GLIS1: variants seen among roughly 807,000 people sequenced by gnomAD.
The protein encoded by GLIS1 is zinc finger protein GLIS1.
Under a neutral mutation model 63.8 loss-of-function variants are expected in GLIS1, and 24 were observed. The ratio of observed to expected loss-of-function variants is 0.38; its 90% CI spans 0.27 to 0.53. The LOEUF (loss-of-function observed/expected upper bound fraction) is 0.53, where lower values mean the gene tolerates loss of function less well. GLIS1 is among the 20% of genes least tolerant of loss of function. GLIS1 has a pLI of 0.85. For synonymous variants in GLIS1, 450 were observed against 482.5 expected, an observed-to-expected ratio of 0.93 and a Z score of 0.88; for missense variants, 1,036 against 1,074.1, an observed-to-expected ratio of 0.96 and a Z score of 0.50.
At position 53,595,986 on chromosome 1, in the gene GLIS1, G is replaced by T. The variant is rs150231952; in HGVS notation, c.438-996C>A. Among the ~76,000 whole-genome samples, 35 of 152,364 alleles carry T rather than the reference G, an allele frequency of 2.3e-4. No individual in the cohort carries two copies. The East Asian group carries it at 6.8e-3, about 29-fold the overall frequency. Reference sequence around the variant, plus strand: ...GCAGCCCATGGGAGCACGTGGGTTTGAGATCAGGCTCAGCCACATCCAGCC... The same window carrying T: ...GCAGCCCATGGGAGCACGTGGGTTTTAGATCAGGCTCAGCCACATCCAGCC... On this transcript the variant is annotated intron_variant, in intron 3 of 10. Coordinates refer to ENST00000628545, the MANE Select transcript of GLIS1 (RefSeq NM_001367484.1).
chr1:53,714,497 G>T (rs1382551999), intron 2 of GLIS1, among the ~76,000 whole-genome samples: 1 of 152,190 alleles, frequency 6.6e-6, no homozygotes, highest in Non-Finnish European at 1.5e-5. Flanking sequence ...AGAAAACAGA[G>T]ATCTTACAAA....
At chr1:53,559,687 C>G (rs867904705) in intron 4 of GLIS1, among the ~76,000 whole-genome samples, 71 of 152,304 alleles carry the variant, frequency 4.7e-4, no homozygotes, top group African/African-American at 1.7e-3. Flanking sequence ...CATCCTCCCC[C>G]ACACGCCCTG....
chr1:53,570,897 G>T (rs1644977784), intron 4 of GLIS1, among the ~76,000 whole-genome samples: 1 of 152,110 alleles, frequency 6.6e-6, no homozygotes, highest in Admixed American at 6.5e-5. Context: ...TAGCATTAAG[G>T]TAGAGAAGGA....
At chr1:53,700,114 G>A (rs1041916520) in intron 2 of GLIS1, among the ~76,000 whole-genome samples, 14 of 152,206 alleles carry the variant, frequency 9.2e-5, no homozygotes, top group African/African-American at 3.1e-4. Context: ...TACACGCTCA[G>A]CCAGGGTCTC....
chr1:53,736,489 G>A (rs1379897840), intron 2 of GLIS1, among the ~76,000 whole-genome samples: 1 of 152,114 alleles, frequency 6.6e-6, no homozygotes, highest in Non-Finnish European at 1.5e-5. Context: ...GGCAAGCCAG[G>A]GAGCTCCCGG....
In GLIS1 at chr1:53,594,338, T is replaced by G. The variant is rs755594736; in HGVS notation, c.1090A>C (p.Arg364=). 7 of 1,611,658 alleles carry G rather than the reference T, an allele frequency of 4.3e-6. No individual in the cohort carries two copies. ...LGGLGLGLAG[R]VVAGRQACRW... is the part of the protein sequence containing the mutation. Reference sequence around the variant, plus strand: ...CACGCCTGCCGCCCGGCCACCACCCTGCCTGCCAGGCCCAGCCCCAGGCCT... The same window carrying G: ...CACGCCTGCCGCCCGGCCACCACCCGGCCTGCCAGGCCCAGCCCCAGGCCT... The change falls in exon 4 of 11, where the codon AGG becomes CGG. Residue 364 remains arginine (R), a synonymous_variant. Transcript: ENST00000628545.
intron 3 of GLIS1, 87 bp downstream of exon 3, chr1:53,600,014 C>A (rs1426632106): frequency 1.3e-6 from 1 of 743,704 alleles, no homozygotes; most frequent in African/African-American, 1.8e-5. Flanking sequence ...CATGTGTCCC[C>A]CCAGCTAAAA....
intron 2 of GLIS1, among the ~76,000 whole-genome samples, chr1:53,647,607 C>T (rs1353714221): frequency 6.6e-6 from 1 of 152,042 alleles, no homozygotes; most frequent in Non-Finnish European, 1.5e-5. Flanking sequence ...TGTAAAACAG[C>T]CAAGCTTCAA....
At chr1:53,651,715 A>G (rs76101645) in intron 2 of GLIS1, among the ~76,000 whole-genome samples, 16,746 of 152,156 alleles carry the variant, frequency 0.11, 1,083 homozygotes, top group South Asian at 0.24. Context: ...GTCTCTACAA[A>G]AAATAAAAAT....
At chr1:53,607,147 A>G (rs981998982) in intron 2 of GLIS1, among the ~76,000 whole-genome samples, 5 of 152,244 alleles carry the variant, frequency 3.3e-5, no homozygotes, top group Admixed American at 6.5e-5. Context: ...GAAAATAGAT[A>G]TCACCTATAA....
chr1:53,635,688 T>C (rs1201077183), intron 2 of GLIS1, among the ~76,000 whole-genome samples: 3 of 151,998 alleles, frequency 2.0e-5, no homozygotes, highest in African/African-American at 7.3e-5. Flanking sequence ...ATGAATAAAA[T>C]CAGCTCTTGA....
chr1:53,693,474 G>T (rs1006556588), intron 2 of GLIS1, among the ~76,000 whole-genome samples: 3 of 152,198 alleles, frequency 2.0e-5, no homozygotes, highest in Admixed American at 1.3e-4. Flanking sequence ...GGCCAGAACT[G>T]CTAAGTCTGG....
chr1:53,633,063 TGA>T (rs1389862398), intron 2 of GLIS1, among the ~76,000 whole-genome samples: 1 of 140,228 alleles, frequency 7.1e-6, no homozygotes, highest in Non-Finnish European at 1.5e-5. Flanking sequence ...GGCGTGTGTA[TGA>T]GTGTGGCTGA....
chr1:53,738,183 G>T, intron 1 of GLIS1, 77 bp from the exon 2 acceptor site: 1 of 849,208 alleles, frequency 1.2e-6, no homozygotes. Context: ...AGTTTGAGCA[G>T]GTCACTGCCC....
At position 53,594,326 on chromosome 1, in the gene GLIS1, C is replaced by T. The variant is rs756875095; in HGVS notation, c.1102G>A (p.Gly368Arg). 58 of 1,611,602 alleles carry T rather than the reference C, an allele frequency of 3.6e-5. No homozygotes were observed. Among genetic ancestry groups the T allele is most frequent in the South Asian group, 2.2e-4 (20 of 91,002 alleles). ...TCCACCCAGCGGCACGCCTGCCGCCCGGCCACCACCCTGCCTGCCAGGCCC... is the reference window on the plus strand; with the variant it reads ...TCCACCCAGCGGCACGCCTGCCGCCTGGCCACCACCCTGCCTGCCAGGCCC... ...GLGLAGRVVA[G>R]RQACRWVDCC... The change falls in exon 4 of 11, where the codon GGG becomes AGG. Residue 368 changes from glycine to arginine, a missense_variant. By Grantham distance (125) the Gly-to-Arg change is moderately radical. This residue lies in a region of GLIS1 where 592 missense variants were observed against 593.9 expected (regional missense o/e 1.00). Transcript: ENST00000628545.
intron 2 of GLIS1, among the ~76,000 whole-genome samples, chr1:53,697,040 T>TA (rs567063942): frequency 0.015 from 2,357 of 152,286 alleles, 59 homozygotes; most frequent in African/African-American, 0.05. Context: ...CCATATTCAC[T>TA]GGGTGGATTC....
Position 53,598,787 on chromosome 1 carries a change from T to C in GLIS1, c.437+1314A>G, listed in dbSNP as rs1645286880. 6.6e-6 allele frequency among the ~76,000 whole-genome samples: 1 copy of C among 152,164 alleles called. No individual in the cohort carries two copies. On this transcript the variant is annotated intron_variant, in intron 3 of 10. Coordinates refer to ENST00000628545, the MANE Select transcript of GLIS1 (RefSeq NM_001367484.1). The surrounding 1 kb of genome is among the most constrained non-coding windows in gnomAD (Gnocchi z 4.6). The stretch of plus-strand genomic sequence containing the variant: ...CACCCAAAATCAGAAGTTTTACTAA[T>C]ATCAAAGGAAGCCAGAAGGAATCTA...
intron 4 of GLIS1, among the ~76,000 whole-genome samples, chr1:53,572,879 TCTGCTTGCTGCAGGCACAGTCAAGCAAG>T (rs1165011009): frequency 4.6e-5 from 7 of 152,218 alleles, no homozygotes; most frequent in Admixed American, 2.0e-4. Context: ...TAGCTGCGCC[TCTGCTTGCTGCAGGCACAGTCAAGCAAG>T]CTGCTTCACT....
intron 2 of GLIS1, among the ~76,000 whole-genome samples, chr1:53,666,840 T>A (rs983932892): frequency 2.6e-5 from 4 of 152,088 alleles, no homozygotes; most frequent in African/African-American, 9.7e-5. Flanking sequence ...TCCTAATGCC[T>A]CCTTTCTTAG....
Sources: allele counts gnomAD v4.1 joint callset (sites outside exome capture counted in the v4.1 genomes callset), GRCh38; gene constraint gnomAD v4.1.1; regional missense constraint gnomAD v4.1.1; non-coding constraint Gnocchi (gnomAD v3.1); transcripts MANE v1.5; gene names NCBI Gene and HGNC (gene_info 2026-07-23, HGNC 2026-07-21).